Variants in KIF27 observed in about 807,000 individuals in gnomAD.
The protein encoded by KIF27 is kinesin family member 27.
KIF27 carries 84 observed loss-of-function variants against 141.8 expected under a neutral mutation model. That is an observed-to-expected ratio of 0.59 (90% confidence interval 0.50 to 0.71). The LOEUF is 0.71. Ranked by LOEUF, KIF27 falls within the 30% of genes least tolerant of loss-of-function variation. The pLI is 0.00. For synonymous variants in KIF27, 471 were observed against 569.5 expected (o/e 0.83, Z 2.46); for missense variants, 1,306 against 1,628.4 (o/e 0.80, Z 3.41).
intron 8 of KIF27, among the ~76,000 whole-genome samples, chr9:83,887,743 GT>G (rs995142003): frequency 6.6e-6 from 1 of 151,788 alleles, no homozygotes; most frequent in Non-Finnish European, 1.5e-5. Context: ...TCCGACGTAA[GT>G]TTTTTTCCTG....
chr9:83,901,084 G>A lies in KIF27; in HGVS notation c.1459-1280C>T, dbSNP rs189002740. 5.8e-3 allele frequency among the ~76,000 whole-genome samples: 880 copies of A among 152,082 alleles called. 6 individuals carry two copies. The highest frequency in any genetic ancestry group is 0.02 in the African/African-American group (825 of 41,466). ...AGTAATCCTCCCACCTAAGCCTCCC[G>A]AGTAGGTGGGACCACAGGCGTATGC... On this transcript the variant is annotated intron_variant, in intron 4 of 17. Coordinates refer to ENST00000297814, the MANE Select transcript of KIF27 (RefSeq NM_017576.4).
At chr9:83,855,421 T>A (rs1949089003) in intron 14 of KIF27, among the ~76,000 whole-genome samples, 1 of 152,200 alleles carries the variant, frequency 6.6e-6, no homozygotes, top group Admixed American at 6.5e-5. Flanking sequence ...CATATGGAAT[T>A]TGATGGTTTG....
chr9:83,918,796 C>T (rs1195122731), intron 1 of KIF27, among the ~76,000 whole-genome samples: 1 of 150,772 alleles, frequency 6.6e-6, no homozygotes, highest in East Asian at 2.0e-4. Flanking sequence ...CAAAAATTAG[C>T]CAGGCGCAGT....
chr9:83,845,321 T>G (rs1254365151), intron 16 of KIF27, among the ~76,000 whole-genome samples: 1 of 152,208 alleles, frequency 6.6e-6, no homozygotes, highest in Middle Eastern at 3.2e-3. Context: ...CTGGGTGCTT[T>G]CTGACCTATC....
At position 83,842,093 on chromosome 9, in the gene KIF27, C is replaced by T. The variant is rs369571114; in HGVS notation, c.3721+144G>A. 18 of 959,722 alleles carry T rather than the reference C, an allele frequency of 1.9e-5. No homozygotes were observed. In the East Asian group the frequency reaches 2.9e-4, roughly 16 times the overall value. The allele number at this position is 959,722 out of a possible 1,614,324, so 59.5% of individuals were successfully genotyped here. Reference sequence around the variant, plus strand: ...ACTTCTCATGTGGTTCTACTTTAGACAACGATTTTTGTTTACAGAGACAAA... The same window carrying T: ...ACTTCTCATGTGGTTCTACTTTAGATAACGATTTTTGTTTACAGAGACAAA... On this transcript the variant is annotated intron_variant, in intron 17 of 17. Coordinates refer to ENST00000297814, the MANE Select transcript of KIF27 (RefSeq NM_017576.4).
chr9:83,913,730 C>T (rs148524489), intron 2 of KIF27, among the ~76,000 whole-genome samples: 2 of 152,276 alleles, frequency 1.3e-5, no homozygotes, highest in Middle Eastern at 6.8e-3. Flanking sequence ...AGCCACCACG[C>T]CTGGTCTGAA....
intron 11 of KIF27, among the ~76,000 whole-genome samples, chr9:83,874,986 A>C (rs1322564381): frequency 6.7e-6 from 1 of 149,508 alleles, no homozygotes; most frequent in Non-Finnish European, 1.5e-5. Flanking sequence ...AGTTTGAGTT[A>C]CAAGCAGAGT....
chr9:83,882,992 G>A (rs1951804037), intron 10 of KIF27, among the ~76,000 whole-genome samples: 1 of 151,672 alleles, frequency 6.6e-6, no homozygotes, highest in South Asian at 2.1e-4. Context: ...AGAATATACT[G>A]GTATATTACA....
intron 2 of KIF27, among the ~76,000 whole-genome samples, chr9:83,909,046 C>T (rs546727082): frequency 1.3e-5 from 2 of 152,270 alleles, no homozygotes; most frequent in African/African-American, 2.4e-5. Flanking sequence ...ATGTGCCAGG[C>T]ACTTTTCTAG....
intron 13 of KIF27, among the ~76,000 whole-genome samples, chr9:83,865,268 T>G (rs1318133555): frequency 6.6e-6 from 1 of 152,168 alleles, no homozygotes; most frequent in African/African-American, 2.4e-5. Context: ...TATTTTTACT[T>G]ACTTTTTGGA....
chr9:83,867,550 A>C, intron 13 of KIF27, 134 bp downstream of exon 13: 1 of 1,130,704 alleles, frequency 8.8e-7, no homozygotes, highest in East Asian at 3.1e-5. Context: ...CAATTTCACC[A>C]GCAGTGTATG....
chr9:83,855,794 A>C (rs556612194), intron 14 of KIF27, among the ~76,000 whole-genome samples: 1 of 152,226 alleles, frequency 6.6e-6, no homozygotes, highest in African/African-American at 2.4e-5. Flanking sequence ...TACTGTGACT[A>C]TATTTTATCA....
At chr9:83,910,897 G>C (rs1325640421) in intron 2 of KIF27, among the ~76,000 whole-genome samples, 1 of 151,856 alleles carries the variant, frequency 6.6e-6, no homozygotes, top group East Asian at 1.9e-4. Context: ...AGCTACAAGG[G>C]GGAAGCAAAC....
chr9:83,903,131 T>G lies in KIF27; in HGVS notation c.1387A>C (p.Thr463Pro), dbSNP rs1476071541. ...VLTSFRGIGG[T>P]ASLEEGPQHV... ...TGTGGTCCTTCTTCCAGACTTGCAG[T>G]GCCTCCGATTCCTCGAAATGAGGTG... The change falls in exon 4 of 18, where the codon ACT becomes CCT. Residue 463 changes from threonine (T) to proline (P), a missense_variant. Around this residue, in one of 4 missense-constraint regions of KIF27, gnomAD observed 533 missense variants for 565.6 expected, o/e 0.94. Transcript: ENST00000297814. 5 of 1,614,096 alleles carry G rather than the reference T, an allele frequency of 3.1e-6. No individual in the cohort carries two copies. Among genetic ancestry groups the G allele is most frequent in the Non-Finnish European group, 3.4e-6 (4 of 1,180,048 alleles).
intron 2 of KIF27, among the ~76,000 whole-genome samples, 196 bp from the exon 3 acceptor site, chr9:83,908,848 C>T (rs1186190197): frequency 1.3e-5 from 2 of 151,830 alleles, no homozygotes; most frequent in African/African-American, 2.4e-5. Flanking sequence ...CAACCTCCGA[C>T]TATCAAATTC....
At chr9:83,840,622 T>C (rs1587859462) in intron 17 of KIF27, among the ~76,000 whole-genome samples, 1 of 152,210 alleles carries the variant, frequency 6.6e-6, no homozygotes, top group Non-Finnish European at 1.5e-5. Context: ...AGACTTTTTT[T>C]CAAAGCTAAA....
rs758141623 is a variant in KIF27, at chr9:83,853,814, G to A, written c.3172C>T (p.Leu1058Phe). The change falls in exon 15 of 18, where the codon CTT becomes TTT. Residue 1058 changes from leucine (L) to phenylalanine (F), a missense_variant. This residue lies in a region of KIF27 where 596 missense variants were observed against 751.6 expected (regional missense o/e 0.79). Coordinates refer to ENST00000297814, the MANE Select transcript of KIF27 (RefSeq NM_017576.4). Reference protein sequence around the residue: ...SPEEEHVLFQLEEGIEALEAA... With the variant: ...SPEEEHVLFQFEEGIEALEAA... ...TCCAAAGCTTCAATCCCTTCTTCAA[G>A]TTGGAAAAGAACATGTTCTTCCTAG... 9 of 1,610,684 alleles carry A rather than the reference G, an allele frequency of 5.6e-6. No homozygotes were observed. The African/African-American group carries it at 1.2e-4, about 22-fold the overall frequency.
At chr9:83,919,892 G>A (rs1956084741) in intron 1 of KIF27, among the ~76,000 whole-genome samples, 1 of 151,394 alleles carries the variant, frequency 6.6e-6, no homozygotes, top group South Asian at 2.1e-4. Context: ...TATCTATAAA[G>A]AATTTGGTTA....
chr9:83,865,527 C>T (rs1273789426), intron 13 of KIF27, among the ~76,000 whole-genome samples: 17 of 152,150 alleles, frequency 1.1e-4, no homozygotes, highest in Non-Finnish European at 2.9e-5. Context: ...GAACTCCTGA[C>T]CTCCAGTGAT....
Sources: gnomAD v4.1 joint callset for allele counts (sites outside exome capture counted in the v4.1 genomes callset) on GRCh38, gnomAD v4.1.1 for gene constraint, gnomAD v4.1.1 regional missense constraint, MANE v1.5 for transcripts, NCBI Gene and HGNC (gene_info 2026-07-23, HGNC 2026-07-21) for gene names.